TENM2: variants seen among roughly 807,000 people sequenced by gnomAD.
TENM2 encodes the protein teneurin transmembrane protein 2, also known as teneurin-2.
In TENM2, 52 loss-of-function variants were observed where a neutral mutation model predicts 245.2. The observed-to-expected ratio is 0.21, with a 90% confidence interval of 0.17 to 0.27. The LOEUF (loss-of-function observed/expected upper bound fraction) is 0.27. Ranked by LOEUF, TENM2 falls within the 10% of genes least tolerant of loss-of-function variation. The pLI is 1.00. For synonymous variants in TENM2, 1,363 were observed against 1,438.9 expected (o/e 0.95, Z 1.19); for missense variants, 3,046 against 3,666.8 (o/e 0.83, Z 4.37).
chr5:168,024,858 G>A (rs776551615), intron 5 of TENM2, among the ~76,000 whole-genome samples: 1 of 152,160 alleles, frequency 6.6e-6, no homozygotes, highest in East Asian at 1.9e-4. Context: ...GCTGCAAAAA[G>A]TATATTCTTG....
intron 5 of TENM2, 137 bp from the exon 8 acceptor site, chr5:168,047,290 T>C: frequency 1.1e-6 from 1 of 912,080 alleles, no homozygotes; most frequent in Non-Finnish European, 1.7e-6. Context: ...AGCTAATCCC[T>C]GTGGCCTGGG....
At chr5:167,304,860 A>G (rs72829317) in intron 1 of TENM2, among the ~76,000 whole-genome samples, 1,572 of 152,250 alleles carry the variant, frequency 0.01, 12 homozygotes, top group Middle Eastern at 0.061. Flanking sequence ...AGATTTCAGA[A>G]AGTGCAGAAT....
rs570233675 is a variant in TENM2, at chr5:167,985,078, A to G, written c.948-7866A>G. 3.9e-5 allele frequency among the ~76,000 whole-genome samples: 6 copies of G among 152,326 alleles called. No homozygotes were observed. The East Asian group carries it at 7.7e-4, about 20-fold the overall frequency. ...AGTACCCTTTATGGGCTGCCTCTTT[A>G]TTAAACTTACTCTTTTAGAGACAAT... is the stretch of plus-strand genomic sequence containing the variant. On this transcript the variant is annotated intron_variant, in intron 4 of 28. Transcript: ENST00000518659.
intron 1 of TENM2, among the ~76,000 whole-genome samples, chr5:167,310,226 C>G (rs1259018526): frequency 2.0e-5 from 3 of 152,180 alleles, no homozygotes; most frequent in Non-Finnish European, 4.4e-5. Flanking sequence ...TCCTTATGCT[C>G]TACGGCTGTC....
intron 3 of TENM2, among the ~76,000 whole-genome samples, chr5:167,900,664 GTT>G (rs763514087): frequency 2.6e-5 from 4 of 152,212 alleles, no homozygotes; most frequent in Non-Finnish European, 5.9e-5. Context: ...GATTGGCCTT[GTT>G]TTCAAACGGC....
At chr5:167,620,571 T>TTC (rs1554091167) in intron 2 of TENM2, among the ~76,000 whole-genome samples, 5 of 138,024 alleles carry the variant, frequency 3.6e-5, no homozygotes, top group Non-Finnish European at 7.5e-5. Flanking sequence ...TTTTTTTTTT[T>TTC]CAAGAACTGA....
At chr5:168,016,951 G>A (rs1157644038) in intron 5 of TENM2, among the ~76,000 whole-genome samples, 1 of 152,164 alleles carries the variant, frequency 6.6e-6, no homozygotes. Context: ...GAAGAGATTA[G>A]AGTTGACCTC....
intron 2 of TENM2, among the ~76,000 whole-genome samples, chr5:167,398,416 C>T (rs529458924): frequency 2.1e-4 from 22 of 103,924 alleles, no homozygotes; most frequent in South Asian, 5.8e-4. Flanking sequence ...CTTTCTTTCT[C>T]TCTCTCTCTT....
At chr5:167,632,542 G>A (rs1778942631) in intron 2 of TENM2, among the ~76,000 whole-genome samples, 1 of 152,116 alleles carries the variant, frequency 6.6e-6, no homozygotes, top group Non-Finnish European at 1.5e-5. Flanking sequence ...TAAGTCAATT[G>A]TGAATCCCAC....
At chr5:168,194,174 G>A (rs1761188108) in intron 14 of TENM2, among the ~76,000 whole-genome samples, 1 of 152,118 alleles carries the variant, frequency 6.6e-6, no homozygotes, top group South Asian at 2.1e-4. Context: ...CAGGATGCTG[G>A]GAGCCTGAGA....
At chr5:168,063,915 T>G (rs1431963935) in intron 7 of TENM2, among the ~76,000 whole-genome samples, 1 of 152,058 alleles carries the variant, frequency 6.6e-6, no homozygotes, top group Non-Finnish European at 1.5e-5. Context: ...ACACAGCCCG[T>G]GCTATAGGGA....
At position 167,984,353 on chromosome 5, in the gene TENM2, C is replaced by G. The variant is rs527337078; in HGVS notation, c.948-8591C>G. 2.6e-5 allele frequency among the ~76,000 whole-genome samples: 4 copies of G among 152,308 alleles called. No individual in the cohort carries two copies. The East Asian group carries it at 7.7e-4, about 29-fold the overall frequency. On this transcript the variant is annotated intron_variant, in intron 4 of 28. Transcript: ENST00000518659. The stretch of plus-strand genomic sequence containing the variant: ...CTAAAGTACAGGAGATGTTTACTTT[C>G]TATTTTTAAAATGTATATACTTGAC...
At chr5:167,181,460 G>A in the TENM2 span, among the ~76,000 whole-genome samples, 1 of 108,926 alleles carries the variant, frequency 9.2e-6, no homozygotes, top group Non-Finnish European at 1.8e-5. Flanking sequence ...CTAGGGAGCC[G>A]CTCGTTTGTG....
intron 9 of TENM2, among the ~76,000 whole-genome samples, chr5:168,111,245 T>C (rs1794644978): frequency 6.6e-6 from 1 of 152,228 alleles, no homozygotes; most frequent in African/African-American, 2.4e-5. Flanking sequence ...TCTTGCTTAT[T>C]AATGTGCCAT....
chr5:167,616,550 T>C (rs1777797927), intron 2 of TENM2, among the ~76,000 whole-genome samples: 1 of 152,112 alleles, frequency 6.6e-6, no homozygotes, highest in Admixed American at 6.6e-5. Flanking sequence ...AATGCCTTAC[T>C]TGTAATTATG....
chr5:167,089,819 T>G, the TENM2 span, among the ~76,000 whole-genome samples: 2 of 152,126 alleles, frequency 1.3e-5, no homozygotes, highest in Non-Finnish European at 2.9e-5. Flanking sequence ...CTGGACCACT[T>G]TACTTGCTTT....
At chr5:167,147,924 C>G in the TENM2 span, among the ~76,000 whole-genome samples, 2 of 152,072 alleles carry the variant, frequency 1.3e-5, no homozygotes, top group East Asian at 1.9e-4. Context: ...ACATTCCATG[C>G]TAGAGGAGAA....
intron 2 of TENM2, among the ~76,000 whole-genome samples, chr5:167,455,526 T>A (rs1326272629): frequency 6.6e-6 from 1 of 152,090 alleles, no homozygotes; most frequent in African/African-American, 2.4e-5. Flanking sequence ...TCTTCTTTTT[T>A]ATTTTTTTTC....
chr5:168,102,227 C>G (rs1964375), intron 9 of TENM2, among the ~76,000 whole-genome samples: 69 of 152,226 alleles, frequency 4.5e-4, no homozygotes, highest in African/African-American at 1.6e-3. Context: ...GCATGTGCCA[C>G]CATGAATGGC....
Sources: allele counts gnomAD v4.1 joint callset (sites outside exome capture counted in the v4.1 genomes callset), GRCh38; gene constraint gnomAD v4.1.1; transcripts MANE v1.5; gene names NCBI Gene and HGNC (gene_info 2026-07-23, HGNC 2026-07-21).